The following VWA8 variants were observed in gnomAD, a reference collection of about 807,000 sequenced individuals.
VWA8 encodes the protein von Willebrand factor A domain-containing protein 8.
VWA8 carries 221 observed loss-of-function variants against 241.5 expected under a neutral mutation model. The observed-to-expected ratio is 0.91, with a 90% CI of 0.82 to 1.02. The LOEUF (loss-of-function observed/expected upper bound fraction) is 1.02, where lower values mean the gene tolerates loss of function less well. Ranked by LOEUF, VWA8 falls within the 50% of genes least tolerant of loss-of-function variation. VWA8 has a pLI of 0.00. For missense variants in VWA8, 2,322 were observed against 2,328.7 expected (o/e 1.00, Z 0.06); for synonymous variants, 852 against 827.1 (o/e 1.03, Z -0.52).
intron 17 of VWA8, among the ~76,000 whole-genome samples, chr13:41,800,646 A>T (rs1258391225): frequency 6.6e-6 from 1 of 150,804 alleles, no homozygotes; most frequent in Non-Finnish European, 1.5e-5. Context: ...AAAAAAAATC[A>T]GCCGGGTGTG....
chr13:41,942,398 G>C (rs9562364), intron 2 of VWA8, among the ~76,000 whole-genome samples: 34,669 of 152,010 alleles, frequency 0.23, 4,970 homozygotes, highest in Non-Finnish European at 0.3. Context: ...AAGCCTACAT[G>C]AACTAAATTC....
At position 41,609,033 on chromosome 13, in the gene VWA8, C is replaced by T. The variant is rs1448292240; in HGVS notation, c.4877+2543G>A. On this transcript the variant is annotated intron_variant, in intron 39 of 44. Transcript: ENST00000379310. Reference sequence around the variant, plus strand: ...TGAATTAAGTACTAAAGGATGATTCCATTACTTGTATGCACGTGTGTGTCA... The same window carrying T: ...TGAATTAAGTACTAAAGGATGATTCTATTACTTGTATGCACGTGTGTGTCA... 8.5e-5 allele frequency among the ~76,000 whole-genome samples: 13 copies of T among 152,154 alleles called. No individual in the cohort carries two copies. The East Asian group carries it at 2.5e-3, about 29-fold the overall frequency.
intron 5 of VWA8, among the ~76,000 whole-genome samples, chr13:41,888,056 C>T (rs1031258878): frequency 6.6e-6 from 1 of 152,092 alleles, no homozygotes; most frequent in East Asian, 1.9e-4. Flanking sequence ...TAAATGTTAG[C>T]GTATGCATGG....
intron 20 of VWA8, among the ~76,000 whole-genome samples, chr13:41,772,147 C>T (rs1000948744): frequency 2.6e-5 from 4 of 152,166 alleles, no homozygotes; most frequent in Non-Finnish European, 4.4e-5. Flanking sequence ...GCCTCGGCCT[C>T]CCAAAGTGCT....
chr13:41,912,518 G>A (rs561128047), intron 2 of VWA8, among the ~76,000 whole-genome samples: 3 of 151,988 alleles, frequency 2.0e-5, no homozygotes, highest in Non-Finnish European at 4.4e-5. Context: ...AAATAAAAGC[G>A]ATCTTCAAGG....
Position 41,570,639 on chromosome 13 carries a change from A to T in VWA8, c.5438T>A (p.Ile1813Asn). The part of the protein sequence containing the change: ...DHTLEGTEHA[I>N]KEIVKEEADE... ...AGCTTCTTCTTTGACAATTTCCTTGATGGCATGTTCTGTCCCTTCTAACGT... is the reference window on the plus strand; with the variant it reads ...AGCTTCTTCTTTGACAATTTCCTTGTTGGCATGTTCTGTCCCTTCTAACGT... Residue 1813 changes from isoleucine to asparagine, a missense_variant, in exon 44 of 45, where the codon ATC (isoleucine) becomes AAC (asparagine). Ile to Asn is a moderately radical substitution (Grantham distance 149). Transcript: ENST00000379310. 2 of 1,614,254 alleles carry T rather than the reference A, an allele frequency of 1.2e-6. No individual in the cohort carries two copies. Among genetic ancestry groups the T allele is most frequent in the Non-Finnish European group, 1.7e-6 (2 of 1,180,050 alleles).
intron 12 of VWA8, among the ~76,000 whole-genome samples, chr13:41,838,248 C>T (rs1871832425): frequency 6.6e-6 from 1 of 152,034 alleles, no homozygotes; most frequent in Middle Eastern, 3.4e-3. Flanking sequence ...AGTCAATACT[C>T]AATAAAATAA....
At position 41,915,997 on chromosome 13, in the gene VWA8, GAC is replaced by G. The variant is rs569599448; in HGVS notation, c.242-3831_242-3830del. 6.0e-4 allele frequency among the ~76,000 whole-genome samples: 92 copies of G among 152,282 alleles called. No homozygotes were observed. The East Asian group carries it at 0.016, about 27-fold the overall frequency. ...GAAAGCAGCAGACCTATTGTATAAAGACACAGATTCAAGACAGATTGGCTGGG... is the reference window on the plus strand; with the variant it reads ...GAAAGCAGCAGACCTATTGTATAAAGACAGATTCAAGACAGATTGGCTGGG... On this transcript the variant is annotated intron_variant, in intron 2 of 44. Transcript: ENST00000379310.
intron 17 of VWA8, among the ~76,000 whole-genome samples, chr13:41,803,943 A>C (rs1870073266): frequency 6.6e-6 from 1 of 152,250 alleles, no homozygotes; most frequent in South Asian, 2.1e-4. Context: ...CAAGCAAAAG[A>C]AACAATTAGT....
intron 2 of VWA8, among the ~76,000 whole-genome samples, chr13:41,920,090 G>A (rs1876442797): frequency 6.6e-6 from 1 of 152,048 alleles, no homozygotes; most frequent in Non-Finnish European, 1.5e-5. Context: ...GCCATTTCTG[G>A]GTTCTTGACA....
intron 37 of VWA8, among the ~76,000 whole-genome samples, chr13:41,626,351 A>G (rs925737517): frequency 7.9e-4 from 121 of 152,252 alleles, no homozygotes; most frequent in Non-Finnish European, 1.0e-4. Context: ...GCCCAAAGTA[A>G]TTTGCAGATT....
chr13:41,958,624 T>C (rs1878452295), intron 1 of VWA8, among the ~76,000 whole-genome samples: 1 of 152,226 alleles, frequency 6.6e-6, no homozygotes, highest in Non-Finnish European at 1.5e-5. Context: ...TTGATAGCCT[T>C]ACTCTCAGGC....
At chr13:41,711,556 T>C (rs1280335850) in intron 26 of VWA8, among the ~76,000 whole-genome samples, 1 of 152,122 alleles carries the variant, frequency 6.6e-6, no homozygotes, top group Non-Finnish European at 1.5e-5. Flanking sequence ...TTGAAGATCA[T>C]AGTACTAAGT....
chr13:41,630,071 C>G (rs2044716563), intron 37 of VWA8, among the ~76,000 whole-genome samples: 2 of 152,062 alleles, frequency 1.3e-5, no homozygotes, highest in South Asian at 4.1e-4. Flanking sequence ...GCCTTGTTTT[C>G]TTTGTTAGAA....
chr13:41,739,035 T>C (rs920282900), intron 21 of VWA8, among the ~76,000 whole-genome samples: 3 of 152,198 alleles, frequency 2.0e-5, no homozygotes, highest in Non-Finnish European at 1.5e-5. Context: ...CACTTTTTCA[T>C]GTTAGGACTT....
chr13:41,577,280 A>G (rs2044356214), intron 42 of VWA8, among the ~76,000 whole-genome samples: 1 of 152,238 alleles, frequency 6.6e-6, no homozygotes, highest in Non-Finnish European at 1.5e-5. Context: ...TTAAATATAA[A>G]AGAATAGCGA....
chr13:41,844,938 T>C (rs931756917), intron 12 of VWA8, among the ~76,000 whole-genome samples: 4 of 152,084 alleles, frequency 2.6e-5, no homozygotes, highest in Non-Finnish European at 5.9e-5. Context: ...GCTCATGGAT[T>C]AGAAGAATAA....
chr13:41,875,395 G>C, intron 9 of VWA8, among the ~76,000 whole-genome samples: 1 of 151,958 alleles, frequency 6.6e-6, no homozygotes, highest in East Asian at 1.9e-4. Context: ...AAAAATGTTT[G>C]TCTCCCCATT....
chr13:41,682,169 G>A, intron 35 of VWA8, among the ~76,000 whole-genome samples: 1 of 152,126 alleles, frequency 6.6e-6, no homozygotes, highest in African/African-American at 2.4e-5. Flanking sequence ...TAAAGGGATA[G>A]ACACATAGAC....
Sources: gnomAD v4.1 joint callset for allele counts (sites outside exome capture counted in the v4.1 genomes callset) on GRCh38, gnomAD v4.1.1 for gene constraint, MANE v1.5 for transcripts, NCBI Gene and HGNC (gene_info 2026-07-23, HGNC 2026-07-21) for gene names.